RANBP2: variants seen among roughly 807,000 people sequenced by gnomAD.
RANBP2 encodes the protein E3 SUMO-protein ligase RanBP2.
Under a neutral mutation model 303.6 loss-of-function variants are expected in RANBP2, and 57 were observed. The ratio of observed to expected loss-of-function variants is 0.19; its 90% CI spans 0.15 to 0.23. The LOEUF (loss-of-function observed/expected upper bound fraction) is 0.23, where lower values mean the gene tolerates loss of function less well. RANBP2 is among the 10% of genes least tolerant of loss of function. The pLI is 1.00. For synonymous variants in RANBP2, 1,167 were observed against 1,301.5 expected, an observed-to-expected ratio of 0.90 and a Z score of 2.23; for missense variants, 3,138 against 3,780.8, an observed-to-expected ratio of 0.83 and a Z score of 4.46.
the RANBP2 span, among the ~76,000 whole-genome samples, chr2:108,991,916 C>G: frequency 6.6e-6 from 1 of 152,186 alleles, no homozygotes; most frequent in South Asian, 2.1e-4. Context: ...AAGCGATTCT[C>G]AGCCTCCCGA....
At chr2:109,542,279 T>C in the RANBP2 span, among the ~76,000 whole-genome samples, 1 of 152,218 alleles carries the variant, frequency 6.6e-6, no homozygotes, top group Admixed American at 6.5e-5. Context: ...CCCAAATATA[T>C]GAAATGAATT....
intron 7 of RANBP2, among the ~76,000 whole-genome samples, chr2:108,746,395 T>A (rs1198414674): frequency 6.7e-6 from 1 of 149,168 alleles, no homozygotes; most frequent in African/African-American, 2.5e-5. Flanking sequence ...TTTTTTTTTA[T>A]TATTTTTAGT....
At chr2:109,230,603 A>G in the RANBP2 span, among the ~76,000 whole-genome samples, 1 of 152,140 alleles carries the variant, frequency 6.6e-6, no homozygotes, top group Non-Finnish European at 1.5e-5. Flanking sequence ...GAAAGAAAAG[A>G]AACTGTAACC....
At chr2:109,223,093 A>AT in the RANBP2 span, among the ~76,000 whole-genome samples, 1 of 152,188 alleles carries the variant, frequency 6.6e-6, no homozygotes, top group Non-Finnish European at 1.5e-5. Flanking sequence ...ATGCTTCTCC[A>AT]TCCCAGACAG....
the RANBP2 span, among the ~76,000 whole-genome samples, chr2:109,651,759 G>C: frequency 6.6e-6 from 1 of 152,184 alleles, no homozygotes; most frequent in African/African-American, 2.4e-5. Flanking sequence ...AGAATGGGGA[G>C]AGCATGATGA....
the RANBP2 span, chr2:109,614,093 T>C: frequency 8.3e-7 from 1 of 1,210,348 alleles, no homozygotes. Flanking sequence ...GCCTGAGGAC[T>C]GAGCGTCAGC....
chr2:109,183,770 T>G, the RANBP2 span, among the ~76,000 whole-genome samples: 1 of 152,208 alleles, frequency 6.6e-6, no homozygotes, highest in Non-Finnish European at 1.5e-5. Context: ...CAGGAATTAT[T>G]TATACTCTTT....
the RANBP2 span, among the ~76,000 whole-genome samples, chr2:109,434,752 C>G: frequency 1.3e-5 from 2 of 152,256 alleles, no homozygotes; most frequent in Non-Finnish European, 2.9e-5. Flanking sequence ...CAGGATCCCC[C>G]CTCACAGGCC....
chr2:109,217,802 G>A, the RANBP2 span, among the ~76,000 whole-genome samples: 1 of 152,200 alleles, frequency 6.6e-6, no homozygotes, highest in Non-Finnish European at 1.5e-5. Context: ...GCCTGGCTGT[G>A]GTGCTGGGCA....
the RANBP2 span, among the ~76,000 whole-genome samples, chr2:109,246,977 T>A: frequency 6.6e-6 from 1 of 152,234 alleles, no homozygotes; most frequent in African/African-American, 2.4e-5. Context: ...GGACTCATGG[T>A]GGAGGATGCT....
the RANBP2 span, among the ~76,000 whole-genome samples, chr2:109,655,113 G>T: frequency 3.3e-5 from 5 of 152,078 alleles, no homozygotes; most frequent in African/African-American, 1.2e-4. Flanking sequence ...ATCTTGGCCA[G>T]GCTGATATCG....
chr2:109,615,970 C>A, the RANBP2 span: 1 of 1,573,776 alleles, frequency 6.4e-7, no homozygotes, highest in African/African-American at 1.4e-5. Flanking sequence ...CCAGAGCAGC[C>A]GCTGGAGGGC....
the RANBP2 span, among the ~76,000 whole-genome samples, chr2:109,341,713 C>CCCTA: frequency 5.2e-4 from 79 of 152,316 alleles, no homozygotes; most frequent in African/African-American, 1.9e-3. Flanking sequence ...AACTGGCCCA[C>CCCTA]CCTACTGTGT....
chr2:109,563,828 A>G, the RANBP2 span, among the ~76,000 whole-genome samples: 3 of 152,190 alleles, frequency 2.0e-5, no homozygotes, highest in African/African-American at 7.2e-5. Flanking sequence ...TTTATTTTAA[A>G]TGATTCCTGA....
At chr2:109,025,298 G>A in the RANBP2 span, among the ~76,000 whole-genome samples, 4 of 152,156 alleles carry the variant, frequency 2.6e-5, no homozygotes, top group African/African-American at 4.8e-5. Context: ...TGTGAATAAT[G>A]CTGCTCTAAT....
the RANBP2 span, chr2:109,585,109 A>G: frequency 6.8e-7 from 1 of 1,480,424 alleles, no homozygotes; most frequent in African/African-American, 1.4e-5. Flanking sequence ...GTTTTATTAC[A>G]AGAAGAAAAC....
At chr2:109,367,216 G>T in the RANBP2 span, among the ~76,000 whole-genome samples, 3 of 150,492 alleles carry the variant, frequency 2.0e-5, no homozygotes, top group Non-Finnish European at 2.9e-5. Flanking sequence ...TGCCTACTTC[G>T]GCCTACCAAA....
At chr2:109,273,813 A>AT in the RANBP2 span, among the ~76,000 whole-genome samples, 1 of 152,126 alleles carries the variant, frequency 6.6e-6, no homozygotes. Flanking sequence ...GCTGCTTGAG[A>AT]CCAGGCTCAG....
chr2:109,615,251 G>A, the RANBP2 span: 3 of 1,556,978 alleles, frequency 1.9e-6, no homozygotes, highest in Non-Finnish European at 2.6e-6. Context: ...CCGCGGAGGA[G>A]GAGAGCAGCG....
Sources: gnomAD v4.1 joint callset for allele counts (sites outside exome capture counted in the v4.1 genomes callset) on GRCh38, gnomAD v4.1.1 for gene constraint, MANE v1.5 for transcripts, NCBI Gene and HGNC (gene_info 2026-07-23, HGNC 2026-07-21) for gene names.